The following AMOT variants were observed in gnomAD, a reference collection of about 807,000 sequenced individuals.
The protein encoded by AMOT is angiomotin.
In AMOT, 11 loss-of-function variants were observed where a neutral mutation model predicts 67.0. The observed-to-expected ratio is 0.16, with a 90% CI of 0.10 to 0.27. The LOEUF (loss-of-function observed/expected upper bound fraction) is 0.27. Ranked by LOEUF, AMOT falls within the 10% of genes least tolerant of loss-of-function variation. AMOT has a pLI of 1.00. For synonymous variants in AMOT, 326 were observed against 321.4 expected (o/e 1.01, Z -0.15); for missense variants, 753 against 852.0 (o/e 0.88, Z 1.45).
chrX:112,810,162 G>A (rs746924360), intron 6 of AMOT, among the ~76,000 whole-genome samples, 176 bp from the exon 7 acceptor site: 18 of 111,659 alleles, frequency 1.6e-4, no homozygotes, highest in Non-Finnish European at 2.8e-4. Context: ...GACCATGGCC[G>A]GGGAGGAGGA....
chrX:112,806,312 TAC>T (rs1366528591), intron 7 of AMOT, among the ~76,000 whole-genome samples: 2 of 103,660 alleles, frequency 1.9e-5, no homozygotes, highest in Admixed American at 1.1e-4. Flanking sequence ...CTTGTGTGCT[TAC>T]ACACACACGT....
intron 10 of AMOT, among the ~76,000 whole-genome samples, chrX:112,789,268 C>T (rs1214061790): frequency 8.9e-6 from 1 of 111,780 alleles, no homozygotes; most frequent in Non-Finnish European, 1.9e-5. Flanking sequence ...GGTAAAATTA[C>T]ATTTAATTCT....
chrX:112,789,358 T>A lies in AMOT; in HGVS notation c.2117+1234A>T, dbSNP rs993575404. On this transcript the variant is annotated intron_variant, in intron 10 of 13. Coordinates refer to ENST00000371959, the MANE Select transcript of AMOT (RefSeq NM_001113490.2). ...TGTGCACTCTATTGCCACACTGGCATGTATTGAGTATGCCTTGCTTAGGAA... is the reference window on the plus strand; with the variant it reads ...TGTGCACTCTATTGCCACACTGGCAAGTATTGAGTATGCCTTGCTTAGGAA... Among the ~76,000 whole-genome samples the A allele has an allele frequency of 6.3e-5, 7 of 111,342 alleles. No individual in the cohort carries two copies. In the East Asian group the frequency reaches 2.0e-3, roughly 32 times the overall value.
chrX:112,809,573 C>T (rs1467911034), intron 7 of AMOT, among the ~76,000 whole-genome samples: 2 of 111,329 alleles, frequency 1.8e-5, no homozygotes, highest in South Asian at 3.8e-4. Flanking sequence ...TAAGAAAATC[C>T]CTTCAACATG....
chrX:112,783,691 A>G (rs200968793), intron 10 of AMOT, among the ~76,000 whole-genome samples: 7 of 100,639 alleles, frequency 7.0e-5, no homozygotes, highest in Admixed American at 2.2e-4. Flanking sequence ...AAGGAAAAAC[A>G]TGTGTGTGTG....
chrX:112,788,269 A>G (rs1156919260), intron 10 of AMOT, among the ~76,000 whole-genome samples: 1 of 107,449 alleles, frequency 9.3e-6, no homozygotes, highest in African/African-American at 3.4e-5. Context: ...AGCCTGGGCA[A>G]CAGAGCGAGA....
intron 5 of AMOT, among the ~76,000 whole-genome samples, chrX:112,814,913 A>G (rs1350615723): frequency 8.9e-6 from 1 of 112,062 alleles, no homozygotes; most frequent in Non-Finnish European, 1.9e-5. Context: ...CTCAAACTTT[A>G]GCTGGTGAGA....
intron 10 of AMOT, among the ~76,000 whole-genome samples, chrX:112,786,273 A>G (rs1381570829): frequency 1.8e-5 from 2 of 112,194 alleles, no homozygotes; most frequent in Non-Finnish European, 3.8e-5. Flanking sequence ...CCTCCTTTCC[A>G]GAATTTACTT....
At chrX:112,789,867 C>T (rs956502834) in intron 10 of AMOT, among the ~76,000 whole-genome samples, 1 of 108,862 alleles carries the variant, frequency 9.2e-6, no homozygotes, top group African/African-American at 3.4e-5. Context: ...TTCTCTTTCT[C>T]TTTCTTCCTT....
At chrX:112,830,297 C>T (rs1934956038) in intron 2 of AMOT, among the ~76,000 whole-genome samples, 1 of 112,146 alleles carries the variant, frequency 8.9e-6, no homozygotes, top group Non-Finnish European at 1.9e-5. Context: ...GGCATAACTT[C>T]ATAACATCGT....
intron 1 of AMOT, among the ~76,000 whole-genome samples, chrX:112,838,003 T>TATTAA (rs1166926065): frequency 3.6e-5 from 4 of 111,700 alleles, no homozygotes; most frequent in Admixed American, 1.9e-4. Context: ...CTGGGCTTAA[T>TATTAA]GGGTGCAAAG....
chrX:112,822,969 C>T lies in AMOT; in HGVS notation c.158G>A (p.Gly53Glu), dbSNP rs1007484490. The part of the protein sequence containing the change: ...GNGPPFPSGS[G>E]NPGPQSDVLS... ...CACATCACTCTGAGGGCCCGGGTTC[C>T]CACTGCCACTGGGGAAAGGAGGGCC... Residue 53 changes from glycine to glutamate, a missense_variant, in exon 4 of 14, where the codon GGG (glycine) becomes GAG (glutamate). Transcript: ENST00000371959. 1.5e-5 allele frequency: 18 copies of T among 1,165,653 alleles called. No individual in the cohort carries two copies. The South Asian group carries it at 3.4e-4, about 22-fold the overall frequency.
chrX:112,829,226 T>G (rs1284548319), intron 2 of AMOT, among the ~76,000 whole-genome samples: 1 of 111,744 alleles, frequency 8.9e-6, no homozygotes, highest in Non-Finnish European at 1.9e-5. Context: ...TGCCCAAATC[T>G]CATGTTGAAT....
chrX:112,808,061 G>A (rs1934247219), intron 7 of AMOT, among the ~76,000 whole-genome samples: 1 of 112,022 alleles, frequency 8.9e-6, no homozygotes, highest in South Asian at 3.8e-4. Context: ...TTCATCTGGA[G>A]ACTTAAACCT....
At position 112,811,323 on chromosome X, in the gene AMOT, G is replaced by T. The variant is rs767462023; in HGVS notation, c.1463C>A (p.Ala488Asp). Reference sequence around the variant, plus strand: ...CTTGTTTCTCATGGCTTTCTCTAGGGCCTCTCTTTTGGAGGATGACTTCAC... The same window carrying T: ...CTTGTTTCTCATGGCTTTCTCTAGGTCCTCTCTTTTGGAGGATGACTTCAC... ...NLVKSSSKRE[A>D]LEKAMRNKLE... Residue 488 changes from alanine (A) to aspartate (D), a missense_variant, in exon 6 of 14, where the codon GCC becomes GAC. Physicochemically the swap from Ala to Asp is moderately radical, Grantham distance 126. Around this residue, in one of 5 missense-constraint regions of AMOT, gnomAD observed 297 missense variants for 284.3 expected, o/e 1.04. Coordinates refer to ENST00000371959, the MANE Select transcript of AMOT (RefSeq NM_001113490.2). The T allele has an allele frequency of 1.7e-6, 2 of 1,210,904 alleles. No individual in the cohort carries two copies. Among genetic ancestry groups the T allele is most frequent in the Non-Finnish European group, 2.2e-6 (2 of 895,080 alleles).
chrX:112,801,899 T>A (rs1014078996), intron 8 of AMOT, among the ~76,000 whole-genome samples: 1 of 112,572 alleles, frequency 8.9e-6, no homozygotes, highest in Admixed American at 9.4e-5. Flanking sequence ...TAATTTTGAT[T>A]TGCTAAGTAG....
At chrX:112,790,905 G>T in intron 9 of AMOT, 123 bp from the exon 10 acceptor site, 1 of 639,102 alleles carries the variant, frequency 1.6e-6, no homozygotes, top group Non-Finnish European at 2.2e-6. Context: ...TCAGAAAGAA[G>T]CAGGGGGAAT....
At chrX:112,809,354 T>C (rs1468068571) in intron 7 of AMOT, among the ~76,000 whole-genome samples, 3 of 111,306 alleles carry the variant, frequency 2.7e-5, no homozygotes, top group Non-Finnish European at 5.7e-5. Context: ...AACACTATTA[T>C]GAGGAAGACA....
intron 1 of AMOT, 150 bp from the exon 2 acceptor site, chrX:112,832,520 G>A (rs1378009258): frequency 9.0e-6 from 1 of 111,689 alleles, no homozygotes; most frequent in Non-Finnish European, 1.9e-5. Context: ...CAGGTCTTGC[G>A]ACTTCCTGCC....
Sources: allele counts gnomAD v4.1 joint callset (sites outside exome capture counted in the v4.1 genomes callset), GRCh38; gene constraint gnomAD v4.1.1; regional missense constraint gnomAD v4.1.1; transcripts MANE v1.5; gene names NCBI Gene and HGNC (gene_info 2026-07-23, HGNC 2026-07-21).